The following KPNA6 variants were observed in gnomAD, a reference collection of about 807,000 sequenced individuals.
KPNA6 encodes importin subunit alpha-7.
Under a neutral mutation model 72.0 loss-of-function variants are expected in KPNA6, and 9 were observed. The observed-to-expected ratio is 0.13, with a 90% CI of 0.08 to 0.22. KPNA6 has a LOEUF of 0.22. KPNA6 is among the 10% of genes least tolerant of loss of function. The pLI, the probability that KPNA6 is intolerant of heterozygous loss-of-function variation, is 1.00. For missense variants in KPNA6, 374 were observed against 655.7 expected, an observed-to-expected ratio of 0.57 and a Z score of 4.69; for synonymous variants, 219 against 242.1, an observed-to-expected ratio of 0.90 and a Z score of 0.89.
intron 6 of KPNA6, 118 bp downstream of exon 6, chr1:32,159,649 G>A (rs41308244): frequency 6.9e-6 from 8 of 1,159,866 alleles, no homozygotes; most frequent in African/African-American, 1.6e-5. Flanking sequence ...CTGAGTGATA[G>A]GGGTGTCAAG....
intron 10 of KPNA6, 90 bp downstream of exon 10, chr1:32,163,403 C>A: frequency 1.1e-6 from 1 of 903,188 alleles, no homozygotes; most frequent in Non-Finnish European, 1.8e-6. Flanking sequence ...CTGCAAAGGG[C>A]TGTGGTCCTG....
chr1:32,158,998 C>A (rs1429340089), intron 5 of KPNA6, among the ~76,000 whole-genome samples: 2 of 152,144 alleles, frequency 1.3e-5, no homozygotes, highest in Non-Finnish European at 2.9e-5. Context: ...TTGGAACTTG[C>A]CAGAACTCAG....
intron 1 of KPNA6, among the ~76,000 whole-genome samples, chr1:32,118,937 TAAAC>T (rs1271078880): frequency 6.9e-6 from 1 of 145,472 alleles, no homozygotes; most frequent in Admixed American, 7.1e-5. Context: ...AATCACTTAG[TAAAC>T]AAAGTACTTT....
At chr1:32,135,908 T>C (rs1641726598) in intron 1 of KPNA6, among the ~76,000 whole-genome samples, 1 of 151,992 alleles carries the variant, frequency 6.6e-6, no homozygotes, top group Admixed American at 6.6e-5. Context: ...AGGAATTACA[T>C]CTCAATAAAC....
intron 1 of KPNA6, among the ~76,000 whole-genome samples, chr1:32,131,582 T>C (rs947337508): frequency 1.3e-5 from 2 of 151,864 alleles, no homozygotes; most frequent in Non-Finnish European, 2.9e-5. Flanking sequence ...TGTATGTGTA[T>C]ATATATTTAA....
rs1407431252 is a variant in KPNA6, at chr1:32,119,017, TATATATATATA to T, written c.4+10884_4+10894del. 9.9e-3 allele frequency among the ~76,000 whole-genome samples: 762 copies of T among 77,308 alleles called. 20 individuals are homozygous for T. Among genetic ancestry groups the T allele is most frequent in the African/African-American group, 0.05 (728 of 14,682 alleles). 50.7% of individuals were successfully genotyped at this position (77,308 alleles called of 152,430 possible). On this transcript the variant is annotated intron_variant, in intron 1 of 13. Transcript: ENST00000373625. ...GTATACATATATATATATATATATATATATATATATATATATTTTTTTTTTTTTTTTTGAGA... is the reference window on the plus strand; with the variant it reads ...GTATACATATATATATATATATATATTATATTTTTTTTTTTTTTTTTGAGA...
At chr1:32,135,732 T>G (rs1401053968) in intron 1 of KPNA6, among the ~76,000 whole-genome samples, 1 of 150,770 alleles carries the variant, frequency 6.6e-6, no homozygotes, top group Non-Finnish European at 1.5e-5. Context: ...CCTCCCGAAG[T>G]GCTGGAATTA....
chr1:32,126,615 C>G (rs186809598), intron 1 of KPNA6, among the ~76,000 whole-genome samples: 1,709 of 152,148 alleles, frequency 0.011, 21 homozygotes, highest in Non-Finnish European at 0.019. Context: ...GAACCCTTGA[C>G]CTCAGGTGAT....
rs1222839703 is a variant in KPNA6, at chr1:32,154,674, A to C, written c.91A>C (p.Arg31=). Reference sequence around the variant, plus strand: ...AAACCCTGAAGAAATGAGACGAAGAAGAGAGGAAGAGGGCATTCAGCTCCG... The same window carrying C: ...AAACCCTGAAGAAATGAGACGAAGACGAGAGGAAGAGGGCATTCAGCTCCG... ...ALNPEEMRRR[R]EEEGIQLRKQ... Residue 31 remains arginine, a synonymous_variant, in exon 2 of 14, where the codon AGA becomes CGA. Coordinates refer to ENST00000373625, the MANE Select transcript of KPNA6 (RefSeq NM_012316.5). 1.9e-6 allele frequency: 3 copies of C among 1,614,146 alleles called. No homozygotes were observed. In the South Asian group the frequency reaches 3.3e-5, roughly 18 times the overall value.
chr1:32,114,782 A>G (rs1045663910), intron 1 of KPNA6, among the ~76,000 whole-genome samples: 3 of 152,212 alleles, frequency 2.0e-5, no homozygotes, highest in African/African-American at 4.8e-5. Context: ...ACTTTCATTA[A>G]TGATCTTAGC....
rs71578197 is a variant in KPNA6 at position 32,118,997 on chromosome 1, CAT to C, written c.4+10898_4+10899del. ...ATGTGTGTGTGTGTGTGTGTGTATA[CAT>C]ATATATATATATATATATATATATA... On this transcript the variant is annotated intron_variant, in intron 1 of 13. Coordinates refer to ENST00000373625, the MANE Select transcript of KPNA6 (RefSeq NM_012316.5). 8.0e-3 allele frequency among the ~76,000 whole-genome samples: 479 copies of C among 59,792 alleles called. 15 individuals are homozygous for C. The highest frequency in any genetic ancestry group is 0.014 in the East Asian group (26 of 1,824). The allele number at this position is 59,792 out of a possible 152,430, so 39.2% of individuals were successfully genotyped here.
chr1:32,143,958 G>T (rs555762112), intron 1 of KPNA6, among the ~76,000 whole-genome samples: 1 of 152,236 alleles, frequency 6.6e-6, no homozygotes, highest in South Asian at 2.1e-4. Flanking sequence ...TCCATATGCA[G>T]TAGTCCTTGC....
chr1:32,173,478 G>T lies in KPNA6; in HGVS notation c.*2584G>T. ...AAAGTCTACTAGGGGCAGAGTGTGAGGATAGATTTCTAATCAGAGAAAAGT... is the reference window on the plus strand; with the variant it reads ...AAAGTCTACTAGGGGCAGAGTGTGATGATAGATTTCTAATCAGAGAAAAGT... On this transcript the variant is annotated 3_prime_UTR_variant, in exon 14 of 14. Coordinates refer to ENST00000373625, the MANE Select transcript of KPNA6 (RefSeq NM_012316.5). 1 of 184,890 alleles carries T rather than the reference G, an allele frequency of 5.4e-6. No homozygotes were observed. Among genetic ancestry groups the T allele is most frequent in the South Asian group, 2.0e-4 (1 of 5,122 alleles). 11.5% of individuals were successfully genotyped at this position (184,890 alleles called of 1,614,324 possible).
intron 9 of KPNA6, 59 bp from the exon 10 acceptor site, chr1:32,163,176 G>A: frequency 9.2e-7 from 1 of 1,082,870 alleles, no homozygotes; most frequent in South Asian, 1.3e-5. Flanking sequence ...TAAAGAGAGA[G>A]AATCAGCAGG....
At chr1:32,133,190 G>A (rs537786577) in intron 1 of KPNA6, among the ~76,000 whole-genome samples, 303 of 150,980 alleles carry the variant, frequency 2.0e-3, no homozygotes, top group African/African-American at 7.1e-3. Flanking sequence ...CAAAAAATAC[G>A]AAAATTAGCC....
At position 32,154,621 on chromosome 1, in the gene KPNA6, G is replaced by A. The variant is rs1642103966; in HGVS notation, c.38G>A (p.Arg13Gln). The A allele has an allele frequency of 1.2e-6, 2 of 1,613,828 alleles. No homozygotes were observed. The highest frequency in any genetic ancestry group is 1.7e-6 in the Non-Finnish European group (2 of 1,179,896). The change falls in exon 2 of 14, where the codon CGA (arginine) becomes CAA (glutamine). Residue 13 changes from arginine to glutamine, a missense_variant. Physicochemically the swap from Arg to Gln is conservative, Grantham distance 43 (BLOSUM62 1). This residue lies in a region of KPNA6 where 298 missense variants were observed against 495.4 expected (regional missense o/e 0.60). Coordinates refer to ENST00000373625, the MANE Select transcript of KPNA6 (RefSeq NM_012316.5). Reference protein sequence around the residue: ...TMASPGKDNYRMKSYKNNALN... With the variant: ...TMASPGKDNYQMKSYKNNALN... ...GCGAGCCCAGGGAAAGACAATTATC[G>A]AATGAAGAGCTATAAGAACAATGCT... is the stretch of plus-strand genomic sequence containing the variant.
intron 1 of KPNA6, among the ~76,000 whole-genome samples, chr1:32,118,997 CATATATATATATAT>C (rs71578197): frequency 1.8e-4 from 11 of 59,798 alleles, no homozygotes; most frequent in East Asian, 5.5e-4. Flanking sequence ...TGTGTGTATA[CATATATATATATAT>C]ATATATATAT....
rs750004100 is a variant in KPNA6, at chr1:32,110,056, A to ATTTTTTT, written c.4+1939_4+1945dup. On this transcript the variant is annotated intron_variant, in intron 1 of 13. Transcript: ENST00000373625. ...AAGCAAAATGAGAATCTGGAATTGAATTTTTTTTTTTTTTTTTTTTTTTCT... is the reference window on the plus strand; with the variant it reads ...AAGCAAAATGAGAATCTGGAATTGAATTTTTTTTTTTTTTTTTTTTTTTTTTTTTTCT... 4.5e-3 allele frequency among the ~76,000 whole-genome samples: 535 copies of ATTTTTTT among 118,290 alleles called. 4 individuals are homozygous for ATTTTTTT. The highest frequency in any genetic ancestry group is 0.016 in the African/African-American group (492 of 30,718). The allele number at this position is 118,290 out of a possible 152,430, so 77.6% of individuals were successfully genotyped here.
At chr1:32,138,006 G>A (rs1365045789) in intron 1 of KPNA6, among the ~76,000 whole-genome samples, 1 of 151,480 alleles carries the variant, frequency 6.6e-6, no homozygotes, top group Non-Finnish European at 1.5e-5. Flanking sequence ...ATGGTGGTGG[G>A]CAACTGTAAT....
Sources: allele counts gnomAD v4.1 joint callset (sites outside exome capture counted in the v4.1 genomes callset), GRCh38; gene constraint gnomAD v4.1.1; regional missense constraint gnomAD v4.1.1; transcripts MANE v1.5; gene names NCBI Gene and HGNC (gene_info 2026-07-23, HGNC 2026-07-21).